The following CYRIB variants were observed in gnomAD, a reference collection of about 807,000 sequenced individuals.
CYRIB encodes the protein CYFIP-related Rac1 interactor B.
CYRIB carries 8 observed loss-of-function variants against 44.2 expected under a neutral mutation model. The ratio of observed to expected loss-of-function variants is 0.18; its 90% CI spans 0.11 to 0.33. The LOEUF is 0.33. CYRIB is among the 10% of genes least tolerant of loss of function. CYRIB has a pLI of 1.00. For synonymous variants in CYRIB, 131 were observed against 127.2 expected (o/e 1.03, Z -0.20); for missense variants, 185 against 382.8 (o/e 0.48, Z 4.31).
intron 1 of CYRIB, among the ~76,000 whole-genome samples, chr8:129,914,622 A>G (rs1314710625): frequency 6.6e-6 from 1 of 152,236 alleles, no homozygotes. Context: ...ACAAATAAAT[A>G]AAACACTTTA....
intron 9 of CYRIB, chr8:129,850,573 A>C (rs1186661476): frequency 2.2e-6 from 1 of 445,158 alleles, no homozygotes; most frequent in Non-Finnish European, 4.0e-6. Context: ...TTCTGTTCTG[A>C]GAAGAGAACT....
intron 3 of CYRIB, 78 bp downstream of exon 5, chr8:129,879,311 G>C: frequency 1.0e-6 from 1 of 963,492 alleles, no homozygotes; most frequent in Non-Finnish European, 1.6e-6. Context: ...AGATGGCAAA[G>C]TGGAAACATT....
intron 7 of CYRIB, among the ~76,000 whole-genome samples, chr8:129,853,711 C>G (rs1182210028): frequency 1.3e-5 from 2 of 152,086 alleles, no homozygotes; most frequent in African/African-American, 4.8e-5. Context: ...GTTAAGAGAC[C>G]TAAAGAAGCC....
At chr8:129,903,107 A>T (rs2073203978) in intron 2 of CYRIB, 1 of 152,710 alleles carries the variant, frequency 6.5e-6, no homozygotes, top group East Asian at 1.9e-4. Flanking sequence ...TGTTAAAAAA[A>T]GTTCTAATTA....
intron 1 of CYRIB, among the ~76,000 whole-genome samples, chr8:129,922,214 C>T (rs1187660593): frequency 6.6e-6 from 1 of 152,086 alleles, no homozygotes; most frequent in Non-Finnish European, 1.5e-5. Flanking sequence ...TGTCATCATC[C>T]CAACAAATTC....
At position 129,903,308 on chromosome 8, in the gene CYRIB, TTAC is replaced by T. The variant is rs2073338158; in HGVS notation, c.-11+1_-11+3del. On this transcript the variant is annotated splice_donor_variant and splice_donor_region_variant and intron_variant, in intron 2 of 11. Transcript: ENST00000519824. LOFTEE classifies it low-confidence loss of function (5UTR_SPLICE). ...ATAATCATTTCCCCCAAAGACATATTTACCTTCAGCCAGTGCTGGTGATTCTGT... is the reference window on the plus strand; with the variant it reads ...ATAATCATTTCCCCCAAAGACATATTCTTCAGCCAGTGCTGGTGATTCTGT... 1 of 152,610 alleles carries T rather than the reference TTAC, an allele frequency of 6.6e-6. No individual in the cohort carries two copies. The highest frequency in any genetic ancestry group is 2.4e-5 in the African/African-American group (1 of 41,450). The allele number at this position is 152,610 out of a possible 1,614,324, so 9.5% of individuals were successfully genotyped here. A position where few individuals can be genotyped will look rare whatever the true frequency, so the allele number is the denominator to read the frequency against.
chr8:130,001,676 G>A (rs1192810459), intron 1 of CYRIB, among the ~76,000 whole-genome samples: 2 of 151,634 alleles, frequency 1.3e-5, no homozygotes, highest in African/African-American at 2.4e-5. Context: ...CTACACGTGC[G>A]CCACCACGCC....
intron 8 of CYRIB, 134 bp from the exon 11 acceptor site, chr8:129,851,048 G>A (rs1357705048): frequency 1.6e-6 from 1 of 627,966 alleles, no homozygotes; most frequent in East Asian, 2.8e-5. Context: ...TCTAAATAAT[G>A]CACTAGACTC....
intron 2 of CYRIB, among the ~76,000 whole-genome samples, chr8:129,964,709 C>G (rs1041536933): frequency 6.6e-6 from 1 of 152,080 alleles, no homozygotes; most frequent in Non-Finnish European, 1.5e-5. Context: ...GATAGGGAGG[C>G]CCCTGTCTCT....
chr8:129,965,263 T>TGC (rs1364076048), intron 2 of CYRIB, among the ~76,000 whole-genome samples: 4 of 151,844 alleles, frequency 2.6e-5, no homozygotes, highest in African/African-American at 9.7e-5. Flanking sequence ...TGTGTGTGTG[T>TGC]GTGTGTGTGT....
chr8:129,915,329 T>A (rs1423943972), intron 1 of CYRIB, among the ~76,000 whole-genome samples: 1 of 152,140 alleles, frequency 6.6e-6, no homozygotes, highest in Non-Finnish European at 1.5e-5. Flanking sequence ...TACTCACACA[T>A]CCAACAATAA....
At chr8:129,849,173 C>T in intron 10 of CYRIB, 70 bp downstream of exon 12, 1 of 1,450,536 alleles carries the variant, frequency 6.9e-7, no homozygotes, top group South Asian at 1.4e-5. Context: ...TGGCTCTTAT[C>T]ATAAAATAAA....
chr8:129,981,939 C>G (rs897042743), intron 1 of CYRIB, among the ~76,000 whole-genome samples: 2 of 152,230 alleles, frequency 1.3e-5, no homozygotes, highest in African/African-American at 4.8e-5. Flanking sequence ...ATCATCTATT[C>G]ATCTAGCTTC....
intron 1 of CYRIB, among the ~76,000 whole-genome samples, chr8:130,013,870 C>T (rs1433136403): frequency 6.6e-6 from 1 of 152,230 alleles, no homozygotes; most frequent in East Asian, 1.9e-4. Flanking sequence ...CAAAGGGGAA[C>T]CCATCATTCT....
chr8:129,980,818 C>T (rs2096202815), intron 1 of CYRIB, among the ~76,000 whole-genome samples: 1 of 150,918 alleles, frequency 6.6e-6, no homozygotes, highest in Admixed American at 6.6e-5. Context: ...CCCATCTCCA[C>T]CAAAAATACA....
At chr8:130,011,787 C>G (rs555217302) in intron 1 of CYRIB, among the ~76,000 whole-genome samples, 1 of 152,012 alleles carries the variant, frequency 6.6e-6, no homozygotes, top group East Asian at 1.9e-4. Flanking sequence ...GAGCCGAGAT[C>G]GCACCACTGC....
intron 2 of CYRIB, among the ~76,000 whole-genome samples, chr8:129,891,954 A>AT (rs1281050209): frequency 6.6e-6 from 1 of 152,234 alleles, no homozygotes; most frequent in Non-Finnish European, 1.5e-5. Flanking sequence ...GTGAAACACA[A>AT]TAAAATAGTA....
intron 3 of CYRIB, among the ~76,000 whole-genome samples, chr8:129,872,408 A>G (rs1038491844): frequency 1.3e-5 from 2 of 152,156 alleles, no homozygotes; most frequent in African/African-American, 4.8e-5. Context: ...TATGTTAATG[A>G]ATGACTAAAT....
chr8:129,980,418 T>C (rs899189085), intron 1 of CYRIB, among the ~76,000 whole-genome samples: 1 of 152,182 alleles, frequency 6.6e-6, no homozygotes, highest in African/African-American at 2.4e-5. Flanking sequence ...CAATCATCTG[T>C]TTAAACCAAT....
Sources: gnomAD v4.1 joint callset for allele counts (sites outside exome capture counted in the v4.1 genomes callset) on GRCh38, gnomAD v4.1.1 for gene constraint, MANE v1.5 for transcripts, NCBI Gene and HGNC (gene_info 2026-07-23, HGNC 2026-07-21) for gene names.